Variants in XPO4 observed in about 807,000 individuals in gnomAD.
The protein encoded by XPO4 is exportin-4.
Under a neutral mutation model 143.0 loss-of-function variants are expected in XPO4, and 39 were observed. The observed-to-expected ratio is 0.27, with a 90% CI of 0.21 to 0.36. The LOEUF (loss-of-function observed/expected upper bound fraction) is 0.36. Among genes scored for constraint, XPO4 ranks in the 10% least tolerant of loss-of-function variants. The pLI, the probability that XPO4 is intolerant of heterozygous loss-of-function variation, is 1.00. For synonymous variants in XPO4, 439 were observed against 474.0 expected (o/e 0.93, Z 0.96); for missense variants, 907 against 1,348.0 (o/e 0.67, Z 5.12).
At chr13:20,892,801 T>G (rs879349702) in intron 1 of XPO4, among the ~76,000 whole-genome samples, 5 of 151,892 alleles carry the variant, frequency 3.3e-5, no homozygotes, top group Non-Finnish European at 5.9e-5. Flanking sequence ...GGAGGATCGC[T>G]TCAGCCCAGG....
At chr13:20,861,186 C>T (rs1414351519) in intron 3 of XPO4, among the ~76,000 whole-genome samples, 1 of 151,826 alleles carries the variant, frequency 6.6e-6, no homozygotes, top group East Asian at 1.9e-4. Context: ...ATTGCACAAA[C>T]AGTAAACATA....
intron 6 of XPO4, among the ~76,000 whole-genome samples, chr13:20,836,889 T>C (rs1205217486): frequency 6.6e-6 from 1 of 152,236 alleles, no homozygotes; most frequent in African/African-American, 2.4e-5. Flanking sequence ...GATTTGCCCA[T>C]CCTGGACATT....
chr13:20,799,017 T>G (rs2059396270), intron 16 of XPO4, 148 bp downstream of exon 16: 1 of 778,886 alleles, frequency 1.3e-6, no homozygotes. Context: ...TAAGACCCTA[T>G]CTCAGAAAAA....
intron 10 of XPO4, among the ~76,000 whole-genome samples, 196 bp from the exon 11 acceptor site, chr13:20,809,421 GA>G (rs201175956): frequency 0.021 from 3,123 of 152,248 alleles, 85 homozygotes; most frequent in Middle Eastern, 0.075. Context: ...TCAAAAGGGG[GA>G]AAACATACAA....
intron 6 of XPO4, among the ~76,000 whole-genome samples, chr13:20,827,560 G>A (rs2059799651): frequency 6.6e-6 from 1 of 151,988 alleles, no homozygotes; most frequent in Non-Finnish European, 1.5e-5. Context: ...CCAATATCTT[G>A]CAACAATTAA....
intron 3 of XPO4, chr13:20,858,090 A>G (rs2060161679): frequency 2.0e-6 from 1 of 496,722 alleles, no homozygotes; most frequent in Non-Finnish European, 2.6e-6. Flanking sequence ...AAAGGCAAAA[A>G]AGAGCACACA....
At chr13:20,854,803 G>C (rs1307110161) in intron 4 of XPO4, among the ~76,000 whole-genome samples, 1 of 152,200 alleles carries the variant, frequency 6.6e-6, no homozygotes, top group Non-Finnish European at 1.5e-5. Flanking sequence ...GGAGAGTGGA[G>C]AGGGTGGGAG....
rs2059405074 is a variant in XPO4 at position 20,799,438 on chromosome 13, G to C, written c.2148-99C>G. The C allele has an allele frequency of 2.7e-6, 3 of 1,097,690 alleles. No individual in the cohort carries two copies. The East Asian group carries it at 7.7e-5, about 28-fold the overall frequency. The allele number at this position is 1,097,690 out of a possible 1,614,324, so 68.0% of individuals were successfully genotyped here. A position where few individuals can be genotyped will look rare whatever the true frequency, so the allele number is the denominator to read the frequency against. On this transcript the variant is annotated intron_variant, in intron 15 of 22. Coordinates refer to ENST00000255305, the MANE Select transcript of XPO4 (RefSeq NM_022459.5). Reference sequence around the variant, plus strand: ...AGAAAACAAAAATAAAAAATAACTAGATTTAATTACTGTTAAAGCAAAGTA... The same window carrying C: ...AGAAAACAAAAATAAAAAATAACTACATTTAATTACTGTTAAAGCAAAGTA...
intron 3 of XPO4, chr13:20,856,151 G>A: frequency 4.7e-6 from 1 of 212,500 alleles, no homozygotes; most frequent in Non-Finnish European, 8.0e-6. Flanking sequence ...AATATTTGTA[G>A]GGAAAAAAAT....
intron 13 of XPO4, among the ~76,000 whole-genome samples, chr13:20,806,110 G>A (rs2059500478): frequency 6.6e-6 from 1 of 152,134 alleles, no homozygotes; most frequent in South Asian, 2.1e-4. Flanking sequence ...GAAATGAACT[G>A]CTTTTTAAAT....
At chr13:20,863,738 A>G (rs1028073368) in intron 2 of XPO4, among the ~76,000 whole-genome samples, 1 of 152,222 alleles carries the variant, frequency 6.6e-6, no homozygotes, top group African/African-American at 2.4e-5. Context: ...GAAATCCATG[A>G]AAAGCTCATG....
rs529352788 is a variant in XPO4 at position 20,789,630 on chromosome 13, G to A, written c.2916+832C>T. Among the ~76,000 whole-genome samples the A allele has an allele frequency of 2.7e-5, 4 of 150,918 alleles. No individual in the cohort carries two copies. The South Asian group carries it at 8.4e-4, about 32-fold the overall frequency. The stretch of plus-strand genomic sequence containing the variant: ...TCACCATGTTAGCCAGGATGGTCTC[G>A]ATCTCCTGACTTCGTGATCCACCCA... On this transcript the variant is annotated intron_variant, in intron 19 of 22. Transcript: ENST00000255305.
intron 1 of XPO4, chr13:20,869,629 A>G (rs2060275684): frequency 1.4e-5 from 11 of 769,138 alleles, no homozygotes; most frequent in Non-Finnish European, 1.6e-5. Flanking sequence ...ATTATGCAAC[A>G]TTAGTCACTA....
At chr13:20,845,190 A>G (rs2060018866) in intron 4 of XPO4, among the ~76,000 whole-genome samples, 1 of 152,206 alleles carries the variant, frequency 6.6e-6, no homozygotes, top group Non-Finnish European at 1.5e-5. Context: ...AAGAGTAAAC[A>G]TAAAGTTAAA....
At chr13:20,841,468 A>G (rs1384171388) in intron 6 of XPO4, among the ~76,000 whole-genome samples, 1 of 152,234 alleles carries the variant, frequency 6.6e-6, no homozygotes, top group Non-Finnish European at 1.5e-5. Context: ...ACAACCAAAA[A>G]GAATTAAGTT....
At position 20,852,671 on chromosome 13, in the gene XPO4, A is replaced by C. The variant is rs181201183; in HGVS notation, c.456+2956T>G. On this transcript the variant is annotated intron_variant, in intron 4 of 22. Coordinates refer to ENST00000255305, the MANE Select transcript of XPO4 (RefSeq NM_022459.5). ...AATAATGATTATGAATATTTATGGC[A>C]ACATGGAAAATACAGAATCAAATGA... 746 of 975,150 alleles carry C rather than the reference A, an allele frequency of 7.7e-4. 7 individuals carry two copies. In the African/African-American group the frequency reaches 0.012, roughly 16 times the overall value. The allele number at this position is 975,150 out of a possible 1,614,324, so 60.4% of individuals were successfully genotyped here.
rs186285130 is a variant in XPO4, at chr13:20,785,750, T to C, written c.3258+1215A>G. ...CTGGCCATTCCTGAAACCTGCTCTT[T>C]CCTGCAGTGTGTAAATATGTTAAAA... On this transcript the variant is annotated intron_variant, in intron 22 of 22. Transcript: ENST00000255305. Among the ~76,000 whole-genome samples the C allele has an allele frequency of 2.5e-3, 375 of 150,982 alleles. 1 individual carries two copies. Among genetic ancestry groups the C allele is most frequent in the Non-Finnish European group, 2.2e-3 (151 of 67,922 alleles).
intron 1 of XPO4, chr13:20,879,237 G>C (rs771354065): frequency 5.8e-5 from 57 of 985,138 alleles, no homozygotes; most frequent in Non-Finnish European, 6.6e-5. Flanking sequence ...CATAAAGCTG[G>C]GATCCTCAGC....
At position 20,783,640 on chromosome 13, in the gene XPO4, A is replaced by T. The variant is rs1319248713; in HGVS notation, c.*82T>A. ...TCCAAAATGGCCAAATGAACTGAGG[A>T]ATAGGACAAGACTCAAGTCAACTTT... On this transcript the variant is annotated 3_prime_UTR_variant, in exon 23 of 23. Coordinates refer to ENST00000255305, the MANE Select transcript of XPO4 (RefSeq NM_022459.5). 2.0e-6 allele frequency: 3 copies of T among 1,466,234 alleles called. No individual in the cohort carries two copies. In the African/African-American group the frequency reaches 4.2e-5, roughly 20 times the overall value. 90.8% of individuals were successfully genotyped at this position (1,466,234 alleles called of 1,614,324 possible).
Sources: gnomAD v4.1 joint callset for allele counts (sites outside exome capture counted in the v4.1 genomes callset) on GRCh38, gnomAD v4.1.1 for gene constraint, MANE v1.5 for transcripts, NCBI Gene and HGNC (gene_info 2026-07-23, HGNC 2026-07-21) for gene names.